The following CASQ2 variants were observed in gnomAD, a reference collection of about 807,000 sequenced individuals.
The protein encoded by CASQ2 is calsequestrin 2.
CASQ2 carries 49 observed loss-of-function variants against 46.5 expected under a neutral mutation model. The observed-to-expected ratio is 1.05, with a 90% CI of 0.84 to 1.34. The LOEUF (loss-of-function observed/expected upper bound fraction) is 1.34, where lower values mean the gene tolerates loss of function less well. Ranked by LOEUF, CASQ2 falls within the 40% of genes most tolerant of loss-of-function variation. CASQ2 has a pLI of 0.00. For missense variants in CASQ2, 486 were observed against 481.3 expected (o/e 1.01, Z -0.09); for synonymous variants, 174 against 168.5 (o/e 1.03, Z -0.25).
chr1:115,754,342 TG>T (rs1174369121), intron 1 of CASQ2, among the ~76,000 whole-genome samples: 1 of 152,176 alleles, frequency 6.6e-6, no homozygotes, highest in Admixed American at 6.5e-5. Flanking sequence ...ATTGGCATTT[TG>T]GACTATCACG....
At chr1:115,718,019 T>G in intron 7 of CASQ2, 125 bp from the exon 8 acceptor site, 1 of 754,554 alleles carries the variant, frequency 1.3e-6, no homozygotes, top group East Asian at 2.5e-5. Context: ...GAAGCGGGGA[T>G]GAACACAGAA....
At chr1:115,758,709 CT>C (rs1648842054) in intron 1 of CASQ2, among the ~76,000 whole-genome samples, 1 of 152,170 alleles carries the variant, frequency 6.6e-6, no homozygotes, top group Non-Finnish European at 1.5e-5. Context: ...TAAAAAGAGC[CT>C]TGCACCTTTT....
chr1:115,750,780 T>C (rs1648554159), intron 1 of CASQ2, among the ~76,000 whole-genome samples: 1 of 149,918 alleles, frequency 6.7e-6, no homozygotes, highest in Non-Finnish European at 1.5e-5. Context: ...ATGTTGGGAT[T>C]ACAGCCATGA....
At chr1:115,756,673 A>C (rs559003231) in intron 1 of CASQ2, among the ~76,000 whole-genome samples, 1 of 152,180 alleles carries the variant, frequency 6.6e-6, no homozygotes, top group Non-Finnish European at 1.5e-5. Flanking sequence ...GGGGCTGGGC[A>C]TGGTGGCGTG....
intron 10 of CASQ2, among the ~76,000 whole-genome samples, chr1:115,701,808 G>T (rs1328216372): frequency 1.3e-5 from 2 of 152,190 alleles, no homozygotes; most frequent in Non-Finnish European, 2.9e-5. Context: ...TGTTTTAAAA[G>T]TAATGTATTA....
intron 4 of CASQ2, among the ~76,000 whole-genome samples, chr1:115,734,044 G>A (rs953621714): frequency 1.1e-4 from 16 of 152,160 alleles, no homozygotes; most frequent in African/African-American, 1.4e-4. Flanking sequence ...GGTGAGTGCC[G>A]CAAGCACAGG....
In CASQ2 at chr1:115,700,098, T is replaced by G. The variant is rs1654158865; in HGVS notation, c.*1143A>C. The G allele has an allele frequency of 6.8e-6, 1 of 146,770 alleles. No individual in the cohort carries two copies. Among genetic ancestry groups the G allele is most frequent in the South Asian group, 2.3e-4 (1 of 4,402 alleles). 9.1% of individuals were successfully genotyped at this position (146,770 alleles called of 1,614,324 possible). On this transcript the variant is annotated 3_prime_UTR_variant, in exon 11 of 11. Transcript: ENST00000261448. ...AAAGTATTGCTCTATTTTCAAAAAA[T>G]TTGCACAGTGTCTTACACATGTGCT...
At chr1:115,730,764 GT>G (rs529586799) in intron 5 of CASQ2, among the ~76,000 whole-genome samples, 1 of 152,132 alleles carries the variant, frequency 6.6e-6, no homozygotes, top group African/African-American at 2.4e-5. Context: ...AGTGCCAGTT[GT>G]TTTTTGCATT....
At chr1:115,717,554 C>G (rs957172690) in intron 8 of CASQ2, among the ~76,000 whole-genome samples, 2 of 152,202 alleles carry the variant, frequency 1.3e-5, no homozygotes, top group Non-Finnish European at 2.9e-5. Context: ...TTATTAAACT[C>G]TTTCTCTGCT....
In CASQ2 at chr1:115,725,625, C is replaced by A. The variant is rs562653885; in HGVS notation, c.738-72G>T. On this transcript the variant is annotated intron_variant, in intron 6 of 10. Transcript: ENST00000261448. Reference sequence around the variant, plus strand: ...GGGATCACTGTGGCAGACACAGCAGCCACAGCATTATGAAATGTAAAATGA... The same window carrying A: ...GGGATCACTGTGGCAGACACAGCAGACACAGCATTATGAAATGTAAAATGA... 26 of 1,541,820 alleles carry A rather than the reference C, an allele frequency of 1.7e-5. No individual in the cohort carries two copies. The African/African-American group carries it at 2.8e-4, about 17-fold the overall frequency.
chr1:115,723,920 C>T (rs1287107038), intron 7 of CASQ2, among the ~76,000 whole-genome samples: 2 of 152,096 alleles, frequency 1.3e-5, no homozygotes, highest in Admixed American at 6.5e-5. Flanking sequence ...TTAAATAGTC[C>T]GCTCCTCTGG....
chr1:115,752,892 C>G (rs1339846152), intron 1 of CASQ2, among the ~76,000 whole-genome samples: 5 of 152,098 alleles, frequency 3.3e-5, no homozygotes, highest in Admixed American at 3.3e-4. Flanking sequence ...GATCTCAGAC[C>G]AAGACAGTGT....
intron 1 of CASQ2, among the ~76,000 whole-genome samples, chr1:115,745,296 C>T (rs1274215796): frequency 6.6e-6 from 1 of 152,132 alleles, no homozygotes; most frequent in Non-Finnish European, 1.5e-5. Flanking sequence ...GTACCTGGGG[C>T]AGAGTGGGAA....
At chr1:115,766,473 A>G (rs1342847816) in intron 1 of CASQ2, among the ~76,000 whole-genome samples, 1 of 152,224 alleles carries the variant, frequency 6.6e-6, no homozygotes, top group Non-Finnish European at 1.5e-5. Flanking sequence ...TTTAATCAAC[A>G]TTATTATTAT....
chr1:115,719,977 G>C (rs1340790525), intron 7 of CASQ2, among the ~76,000 whole-genome samples: 3 of 152,064 alleles, frequency 2.0e-5, no homozygotes, highest in East Asian at 3.9e-4. Flanking sequence ...TCTGCTATTT[G>C]CCACTTTTTC....
chr1:115,728,446 T>C (rs74872635), intron 5 of CASQ2, among the ~76,000 whole-genome samples: 11,166 of 152,050 alleles, frequency 0.073, 505 homozygotes, highest in Middle Eastern at 0.12. Context: ...TTTCTAACTG[T>C]TTTTCCCTCT....
chr1:115,768,547 A>G lies in CASQ2; in HGVS notation c.-6T>C. 6.3e-7 allele frequency: 1 copy of G among 1,594,122 alleles called. No individual in the cohort carries two copies. Among genetic ancestry groups the G allele is most frequent in the Non-Finnish European group, 8.6e-7 (1 of 1,162,020 alleles). On this transcript the variant is annotated 5_prime_UTR_variant, in exon 1 of 11. Coordinates refer to ENST00000261448, the MANE Select transcript of CASQ2 (RefSeq NM_001232.4). ...AACAAGTGAGTTCTCTTCATTTGGG[A>G]AAACTTTTGTTTCTCGTTCCCAAAT...
At position 115,752,643 on chromosome 1, in the gene CASQ2, G is replaced by A. The variant is rs111837765; in HGVS notation, c.235-7731C>T. 2.1e-3 allele frequency among the ~76,000 whole-genome samples: 314 copies of A among 152,238 alleles called. 3 individuals carry two copies. The highest frequency in any genetic ancestry group is 7.3e-3 in the African/African-American group (304 of 41,532). ...ACAGGCTGACCTGCTTGAACAGTGGGCTTATTTGGGGTGCTGAAAGAAGTC... is the reference window on the plus strand; with the variant it reads ...ACAGGCTGACCTGCTTGAACAGTGGACTTATTTGGGGTGCTGAAAGAAGTC... On this transcript the variant is annotated intron_variant, in intron 1 of 10. Transcript: ENST00000261448.
At chr1:115,742,515 G>A (rs7554471) in intron 2 of CASQ2, among the ~76,000 whole-genome samples, 138,885 of 152,186 alleles carry the variant, frequency 0.91, 63,992 homozygotes, top group South Asian at 0.98. Flanking sequence ...TCAAATAACC[G>A]GAAGGAACCT....
Sources: allele counts gnomAD v4.1 joint callset (sites outside exome capture counted in the v4.1 genomes callset), GRCh38; gene constraint gnomAD v4.1.1; transcripts MANE v1.5; gene names NCBI Gene and HGNC (gene_info 2026-07-23, HGNC 2026-07-21).